The following CSMD1 variants were observed in gnomAD, a reference collection of about 807,000 sequenced individuals.
The protein encoded by CSMD1 is CUB and Sushi multiple domains 1.
A neutral mutation model predicts 417.5 loss-of-function variants in CSMD1; 213 were observed. The ratio of observed to expected loss-of-function variants is 0.51; its 90% CI spans 0.46 to 0.57. The LOEUF is 0.57. Among genes scored for constraint, CSMD1 ranks in the 20% least tolerant of loss-of-function variants. CSMD1 has a pLI of 0.00. For synonymous variants in CSMD1, 2,862 were observed against 1,736.8 expected (o/e 1.65, Z -16.11); for missense variants, 6,923 against 4,529.7 (o/e 1.53, Z -15.17).
chr8:4,101,152 C>G (rs984168708), intron 3 of CSMD1, among the ~76,000 whole-genome samples: 4 of 152,208 alleles, frequency 2.6e-5, no homozygotes, highest in East Asian at 1.9e-4. Context: ...TTAAGAACCA[C>G]TCTATACTGT....
chr8:4,728,949 G>A (rs1809658596), intron 1 of CSMD1, among the ~76,000 whole-genome samples: 2 of 152,210 alleles, frequency 1.3e-5, no homozygotes, highest in South Asian at 4.1e-4. Context: ...AGACGTCCAT[G>A]TGGAGATAGA....
chr8:4,856,056 A>G (rs1360583211), intron 1 of CSMD1, among the ~76,000 whole-genome samples: 1 of 152,218 alleles, frequency 6.6e-6, no homozygotes, highest in Non-Finnish European at 1.5e-5. Flanking sequence ...TCAGAGTAAC[A>G]GCGGATCTCT....
chr8:3,432,992 T>C (rs1814318120), intron 12 of CSMD1, among the ~76,000 whole-genome samples: 2 of 152,172 alleles, frequency 1.3e-5, no homozygotes, highest in Admixed American at 6.5e-5. Context: ...GCAGATGGCA[T>C]ACAAAATTCA....
intron 22 of CSMD1, among the ~76,000 whole-genome samples, chr8:3,345,982 T>G (rs1807962212): frequency 6.6e-6 from 1 of 152,238 alleles, no homozygotes; most frequent in African/African-American, 2.4e-5. Flanking sequence ...TATTTACGTG[T>G]GCAGGGGGTG....
At chr8:4,568,423 C>T (rs2725011) in intron 2 of CSMD1, among the ~76,000 whole-genome samples, 128,929 of 152,122 alleles carry the variant, frequency 0.85, 54,704 homozygotes, top group Non-Finnish European at 0.87. Context: ...TCCAGCTTCA[C>T]CCATGTCCTT....
intron 23 of CSMD1, among the ~76,000 whole-genome samples, chr8:3,328,881 A>G (rs1806709558): frequency 6.6e-6 from 1 of 152,194 alleles, no homozygotes. Context: ...GAAGAGTCTT[A>G]AGGTCATTAT....
intron 26 of CSMD1, among the ~76,000 whole-genome samples, chr8:3,251,757 T>C (rs940237808): frequency 1.3e-5 from 2 of 152,204 alleles, no homozygotes; most frequent in Admixed American, 1.3e-4. Flanking sequence ...TGGATTGTAG[T>C]TCTCCTTGAA....
intron 25 of CSMD1, among the ~76,000 whole-genome samples, chr8:3,302,176 G>C (rs926341229): frequency 6.6e-6 from 1 of 152,196 alleles, no homozygotes; most frequent in Admixed American, 6.5e-5. Context: ...AATGTGAGGA[G>C]TTGGGAACAC....
intron 3 of CSMD1, among the ~76,000 whole-genome samples, chr8:4,412,381 G>A (rs932061267): frequency 5.3e-5 from 8 of 152,088 alleles, no homozygotes; most frequent in East Asian, 1.9e-4. Flanking sequence ...CCTTGCTTCC[G>A]CATTTGCCAT....
chr8:3,426,004 T>G (rs1037745076), intron 12 of CSMD1, among the ~76,000 whole-genome samples: 1 of 152,186 alleles, frequency 6.6e-6, no homozygotes, highest in Non-Finnish European at 1.5e-5. Context: ...TGGGTCTATG[T>G]AGAATCAGAA....
At chr8:3,607,925 T>C (rs996756834) in intron 8 of CSMD1, among the ~76,000 whole-genome samples, 4 of 152,094 alleles carry the variant, frequency 2.6e-5, no homozygotes, top group Non-Finnish European at 1.5e-5. Flanking sequence ...ATCCCAGCAC[T>C]TTGGGAGGCC....
intron 1 of CSMD1, among the ~76,000 whole-genome samples, chr8:4,937,376 G>C (rs1418751604): frequency 6.6e-6 from 1 of 152,146 alleles, no homozygotes; most frequent in African/African-American, 2.4e-5. Flanking sequence ...ACTTGATGTA[G>C]TGTATTCTTT....
At chr8:3,981,340 C>T (rs577809568) in intron 5 of CSMD1, among the ~76,000 whole-genome samples, 3 of 151,914 alleles carry the variant, frequency 2.0e-5, no homozygotes, top group South Asian at 4.2e-4. Context: ...TTGGGGACTT[C>T]AGGGGAAGAG....
intron 5 of CSMD1, among the ~76,000 whole-genome samples, chr8:3,920,533 G>A (rs1445182745): frequency 6.6e-6 from 1 of 152,104 alleles, no homozygotes; most frequent in South Asian, 2.1e-4. Context: ...CGTTTGGCAC[G>A]AGTAGGCAAC....
At chr8:3,300,107 G>T (rs115226270) in intron 25 of CSMD1, among the ~76,000 whole-genome samples, 1,608 of 152,212 alleles carry the variant, frequency 0.011, 24 homozygotes, top group African/African-American at 0.036. Flanking sequence ...GGCACATTCA[G>T]GCAATGGAAT....
chr8:4,069,862 G>C lies in CSMD1; in HGVS notation c.416-37763C>G, dbSNP rs187431478. Among the ~76,000 whole-genome samples the C allele has an allele frequency of 3.7e-3, 558 of 151,982 alleles. 3 individuals are homozygous for C. Among genetic ancestry groups the C allele is most frequent in the Middle Eastern group, 0.014 (4 of 292 alleles). The stretch of plus-strand genomic sequence containing the variant: ...AGACTTCTACAAAAGTCTTCTATCC[G>C]GTACTGCAACAGTAAGGTGTTTTGT... On this transcript the variant is annotated intron_variant, in intron 3 of 69. Coordinates refer to ENST00000635120, the MANE Select transcript of CSMD1 (RefSeq NM_033225.6).
chr8:3,717,119 T>G (rs1408864767), intron 6 of CSMD1, among the ~76,000 whole-genome samples: 1 of 152,216 alleles, frequency 6.6e-6, no homozygotes, highest in Non-Finnish European at 1.5e-5. Flanking sequence ...TCAGAAATTA[T>G]AGCCCTGACT....
At chr8:3,333,423 A>G (rs1807035216) in intron 23 of CSMD1, among the ~76,000 whole-genome samples, 1 of 152,206 alleles carries the variant, frequency 6.6e-6, no homozygotes, top group African/African-American at 2.4e-5. Context: ...ACTGTGGGAA[A>G]AACAAACACT....
chr8:3,739,811 G>T (rs1246373173), intron 6 of CSMD1, among the ~76,000 whole-genome samples: 3 of 152,030 alleles, frequency 2.0e-5, no homozygotes. Context: ...ATTCAATTTT[G>T]TTAGTAACAA....
Sources: gnomAD v4.1 joint callset for allele counts (sites outside exome capture counted in the v4.1 genomes callset) on GRCh38, gnomAD v4.1.1 for gene constraint, MANE v1.5 for transcripts, NCBI Gene and HGNC (gene_info 2026-07-23, HGNC 2026-07-21) for gene names.